The following CORO2B variants were observed in gnomAD, a reference collection of about 807,000 sequenced individuals.
CORO2B encodes the protein coronin-2B.
CORO2B carries 26 observed loss-of-function variants against 58.8 expected under a neutral mutation model. The ratio of observed to expected loss-of-function variants is 0.44; its 90% CI spans 0.32 to 0.61. CORO2B has a LOEUF of 0.61. Ranked by LOEUF, CORO2B falls within the 20% of genes least tolerant of loss-of-function variation. The pLI is 0.04. For synonymous variants in CORO2B, 242 were observed against 253.8 expected (o/e 0.95, Z 0.44); for missense variants, 460 against 645.1 (o/e 0.71, Z 3.11).
chr15:68,544,857 A>C, the CORO2B span, among the ~76,000 whole-genome samples: 1 of 151,788 alleles, frequency 6.6e-6, no homozygotes, highest in East Asian at 1.9e-4. Flanking sequence ...GCTCACTGCA[A>C]GCTCCGCCTC....
At chr15:68,543,227 C>G in the CORO2B span, among the ~76,000 whole-genome samples, 1 of 152,144 alleles carries the variant, frequency 6.6e-6, no homozygotes, top group African/African-American at 2.4e-5. Flanking sequence ...GGCTATGTGA[C>G]CTTGAACAAG....
In CORO2B at chr15:68,710,463, A is replaced by G. The variant is rs1055667892; in HGVS notation, c.334-269A>G. On this transcript the variant is annotated intron_variant, in intron 3 of 11. Transcript: ENST00000261861. This position sits in a 1 kb window ranked among gnomAD's most constrained non-coding sequence, Gnocchi z 4.1. Reference sequence around the variant, plus strand: ...CTTCTTATCCGGGCTAGGCCACAGCAGTAGCAACATGCCAGTAATAACAGT... The same window carrying G: ...CTTCTTATCCGGGCTAGGCCACAGCGGTAGCAACATGCCAGTAATAACAGT... Among the ~76,000 whole-genome samples, 1 of 152,250 alleles carries G rather than the reference A, an allele frequency of 6.6e-6. No homozygotes were observed. The highest frequency in any genetic ancestry group is 2.4e-5 in the African/African-American group (1 of 41,474).
At chr15:68,609,079 C>T (rs1462334609) in intron 1 of CORO2B, among the ~76,000 whole-genome samples, 8 of 152,198 alleles carry the variant, frequency 5.3e-5, no homozygotes, top group Non-Finnish European at 1.0e-4. Context: ...GGTGCCTGCA[C>T]GGTGCACTGG....
At chr15:68,559,368 A>G in the CORO2B span, among the ~76,000 whole-genome samples, 1 of 151,920 alleles carries the variant, frequency 6.6e-6, no homozygotes, top group African/African-American at 2.4e-5. The surrounding 1 kb of genome is among the most constrained non-coding windows in gnomAD (Gnocchi z 4.3). Context: ...AGCCTCCGAG[A>G]CATCCATTTT....
the CORO2B span, among the ~76,000 whole-genome samples, chr15:68,539,141 G>A: frequency 2.6e-5 from 4 of 152,168 alleles, no homozygotes; most frequent in Non-Finnish European, 5.9e-5. Flanking sequence ...AGACAGCAGA[G>A]CTGGGCTCTA....
chr15:68,630,484 G>GT (rs1343714567), intron 1 of CORO2B, among the ~76,000 whole-genome samples: 2 of 151,962 alleles, frequency 1.3e-5, no homozygotes, highest in Non-Finnish European at 2.9e-5. Context: ...TGTGGTCTCT[G>GT]GGCCTCCTTA....
chr15:68,684,709 G>T lies in CORO2B; in HGVS notation c.217-10431G>T, dbSNP rs573449699. Among the ~76,000 whole-genome samples the T allele has an allele frequency of 1.2e-4, 19 of 152,348 alleles. No homozygotes were observed. In the East Asian group the frequency reaches 3.7e-3, roughly 29 times the overall value. Reference sequence around the variant, plus strand: ...CTGTCACTGCCAAGTGGTGTGACCAGGGGCAAGTGTCCTTATTTAGTTTAT... The same window carrying T: ...CTGTCACTGCCAAGTGGTGTGACCATGGGCAAGTGTCCTTATTTAGTTTAT... On this transcript the variant is annotated intron_variant, in intron 2 of 11. Coordinates refer to ENST00000261861, the MANE Select transcript of CORO2B (RefSeq NM_006091.5).
intron 2 of CORO2B, among the ~76,000 whole-genome samples, chr15:68,670,985 G>T (rs543400558): frequency 1.3e-5 from 2 of 152,138 alleles, no homozygotes; most frequent in Non-Finnish European, 2.9e-5. Flanking sequence ...TTCATGTGTG[G>T]AAGAATTCAG....
chr15:68,534,684 A>C, the CORO2B span, among the ~76,000 whole-genome samples: 58 of 148,326 alleles, frequency 3.9e-4, 1 homozygote, highest in African/African-American at 1.4e-3. Flanking sequence ...ACAATGGGTT[A>C]TGTTACATGA....
intron 1 of CORO2B, among the ~76,000 whole-genome samples, chr15:68,586,412 A>G (rs1158300589): frequency 1.3e-5 from 2 of 152,142 alleles, no homozygotes; most frequent in African/African-American, 4.8e-5. Context: ...AGTAGGAGGT[A>G]GCAGGTGAAA....
intron 2 of CORO2B, among the ~76,000 whole-genome samples, chr15:68,668,017 AC>A (rs1902252178): frequency 6.6e-6 from 1 of 152,258 alleles, no homozygotes; most frequent in Non-Finnish European, 1.5e-5. Context: ...TTGAACACGT[AC>A]AACGGGCCAG....
chr15:68,661,184 G>T (rs1473803532), intron 2 of CORO2B, among the ~76,000 whole-genome samples: 2 of 151,636 alleles, frequency 1.3e-5, no homozygotes, highest in East Asian at 2.0e-4. Flanking sequence ...CACCATGTTG[G>T]CCAGGCTGGT....
chr15:68,641,020 T>C (rs1373947532), intron 1 of CORO2B, among the ~76,000 whole-genome samples: 1 of 152,062 alleles, frequency 6.6e-6, no homozygotes, highest in East Asian at 1.9e-4. Flanking sequence ...TGTGGAGCCA[T>C]CGATCAACAG....
intron 11 of CORO2B, among the ~76,000 whole-genome samples, chr15:68,721,640 A>G (rs1893163231): frequency 6.6e-6 from 1 of 152,208 alleles, no homozygotes; most frequent in Non-Finnish European, 1.5e-5. Flanking sequence ...CAGGAGGCAG[A>G]GACTAAAGCT....
At chr15:68,713,065 C>T (rs982579446) in intron 5 of CORO2B, among the ~76,000 whole-genome samples, 2 of 152,068 alleles carry the variant, frequency 1.3e-5, no homozygotes, top group Admixed American at 6.6e-5. Context: ...TTACCTGATG[C>T]CGAGGACTGT....
At chr15:68,713,352 C>T (rs1892962697) in intron 5 of CORO2B, among the ~76,000 whole-genome samples, 2 of 152,206 alleles carry the variant, frequency 1.3e-5, no homozygotes, top group Non-Finnish European at 1.5e-5. Flanking sequence ...GCTCCCCTCT[C>T]GCTCCCTGTT....
At chr15:68,612,737 C>T (rs373143907) in intron 1 of CORO2B, among the ~76,000 whole-genome samples, 4 of 152,224 alleles carry the variant, frequency 2.6e-5, no homozygotes, top group East Asian at 1.9e-4. Context: ...ATGATCCTCA[C>T]GCCGCAGTCT....
chr15:68,633,980 C>T (rs1242763956), intron 1 of CORO2B, among the ~76,000 whole-genome samples: 1 of 152,224 alleles, frequency 6.6e-6, no homozygotes, highest in African/African-American at 2.4e-5. Context: ...CACGGGATCC[C>T]GGTTATCCTG....
At position 68,714,551 on chromosome 15, in the gene CORO2B, TCCCTCAG is replaced by T; in HGVS notation, c.766-7_766-1del. On this transcript the variant is annotated splice_acceptor_variant and splice_polypyrimidine_tract_variant and intron_variant, in intron 6 of 11. Transcript: ENST00000261861. LOFTEE classifies it high-confidence loss of function. ...GCAGAGAGGCTGAGACCAGCTCTTC[TCCCTCAG>T]GAGGACCTCTCCATGCCCCTGATCG... 1 of 1,610,342 alleles carries T rather than the reference TCCCTCAG, an allele frequency of 6.2e-7. No individual in the cohort carries two copies. The highest frequency in any genetic ancestry group is 8.5e-7 in the Non-Finnish European group (1 of 1,176,704).
Sources: allele counts gnomAD v4.1 joint callset (sites outside exome capture counted in the v4.1 genomes callset), GRCh38; gene constraint gnomAD v4.1.1; non-coding constraint Gnocchi (gnomAD v3.1); transcripts MANE v1.5; gene names NCBI Gene and HGNC (gene_info 2026-07-23, HGNC 2026-07-21).